Variants in COL19A1 observed in about 807,000 individuals in gnomAD.
The protein encoded by COL19A1 is collagen type XIX alpha 1 chain.
A neutral mutation model predicts 190.2 loss-of-function variants in COL19A1; 159 were observed. The ratio of observed to expected loss-of-function variants is 0.84; its 90% CI spans 0.73 to 0.95. COL19A1 has a LOEUF of 0.95. COL19A1 is among the 40% of genes least tolerant of loss of function. The pLI is 0.00. For missense variants in COL19A1, 1,418 were observed against 1,431.9 expected, an observed-to-expected ratio of 0.99 and a Z score of 0.16; for synonymous variants, 509 against 458.9, an observed-to-expected ratio of 1.11 and a Z score of -1.39.
intron 13 of COL19A1, 94 bp from the exon 14 acceptor site, chr6:70,035,810 A>C: frequency 1.5e-5 from 13 of 879,046 alleles, no homozygotes; most frequent in Non-Finnish European, 2.2e-5. Context: ...TTCAAGATTT[A>C]TCTCTATATA....
chr6:69,909,338 T>C (rs1401417942), intron 4 of COL19A1, among the ~76,000 whole-genome samples: 6 of 152,268 alleles, frequency 3.9e-5, no homozygotes, highest in Non-Finnish European at 5.9e-5. Context: ...GAGTGTGTGA[T>C]ATCTCTCCTC....
rs746887471 is a variant in COL19A1, at chr6:70,168,076, G to A, written c.2496+1G>A. On this transcript the variant is annotated splice_donor_variant, in intron 38 of 50. Coordinates refer to ENST00000620364, the MANE Select transcript of COL19A1 (RefSeq NM_001858.6). LOFTEE classifies it high-confidence loss of function. ...CATGAGCAGTTTATATAAAATTAAG[G>A]TATTTATATTTGTAATTATTTAAAA... The A allele has an allele frequency of 6.3e-7, 1 of 1,585,422 alleles. No homozygotes were observed. The highest frequency in any genetic ancestry group is 2.3e-5 in the East Asian group (1 of 44,074).
chr6:69,919,198 G>T (rs752770070), intron 4 of COL19A1, among the ~76,000 whole-genome samples: 4 of 152,076 alleles, frequency 2.6e-5, no homozygotes, highest in African/African-American at 7.2e-5. Flanking sequence ...TTGCTTCATA[G>T]CAGTCCCCAC....
chr6:70,064,389 G>A lies in COL19A1; in HGVS notation c.1171-4034G>A, dbSNP rs545416134. On this transcript the variant is annotated intron_variant, in intron 14 of 50. Coordinates refer to ENST00000620364, the MANE Select transcript of COL19A1 (RefSeq NM_001858.6). ...TGATTATCTCAACAGATGCAGAAAA[G>A]GCCTTTGACAAAATTCAACAGCCCT... Among the ~76,000 whole-genome samples the A allele has an allele frequency of 4.6e-5, 7 of 152,232 alleles. No individual in the cohort carries two copies. In the East Asian group the frequency reaches 1.2e-3, roughly 25 times the overall value.
At position 70,016,825 on chromosome 6, in the gene COL19A1, A is replaced by G. The variant is rs572083012; in HGVS notation, c.1027-6802A>G. ...AATTAAAGCCACAATGAAATACTAT[A>G]CATCCACTAAAATGGCTATAATCAA... On this transcript the variant is annotated intron_variant, in intron 11 of 50. Transcript: ENST00000620364. Among the ~76,000 whole-genome samples, 13 of 152,210 alleles carry G rather than the reference A, an allele frequency of 8.5e-5. No homozygotes were observed. The East Asian group carries it at 1.2e-3, about 14-fold the overall frequency.
At chr6:70,140,211 T>G (rs544078297) in intron 19 of COL19A1, among the ~76,000 whole-genome samples, 1 of 152,026 alleles carries the variant, frequency 6.6e-6, no homozygotes, top group Non-Finnish European at 1.5e-5. Context: ...GTCCCTAATA[T>G]AAAATGGCCT....
intron 16 of COL19A1, among the ~76,000 whole-genome samples, chr6:70,121,581 T>G (rs1440184263): frequency 6.6e-6 from 1 of 151,954 alleles, no homozygotes; most frequent in Non-Finnish European, 1.5e-5. Context: ...TCTGGGAGGG[T>G]CTTATGGGTA....
rs143251981 is a variant in COL19A1, at chr6:70,142,807, C to A, written c.1613C>A (p.Pro538Gln). ...GSAGSMGPRG[P>Q]PGDVGLPGEH... The stretch of plus-strand genomic sequence containing the variant: ...GCAGGCTCCATGGGACCCAGAGGAC[C>A]GCCAGGAGATGTTGTATGTATAATG... The change falls in exon 23 of 51, where the codon CCG becomes CAG. Residue 538 changes from proline (P) to glutamine (Q), a missense_variant. Physicochemically the swap from Pro to Gln is moderately conservative, Grantham distance 76. Transcript: ENST00000620364. The A allele has an allele frequency of 6.2e-7, 1 of 1,612,070 alleles. No individual in the cohort carries two copies. The highest frequency in any genetic ancestry group is 2.2e-5 in the East Asian group (1 of 44,788).
chr6:70,205,626 G>T (rs950407718), intron 49 of COL19A1, among the ~76,000 whole-genome samples: 1 of 152,174 alleles, frequency 6.6e-6, no homozygotes, highest in African/African-American at 2.4e-5. Context: ...AACTCTATTT[G>T]CCATCACTGT....
intron 16 of COL19A1, among the ~76,000 whole-genome samples, chr6:70,116,241 G>C (rs1043184252): frequency 5.9e-5 from 9 of 152,054 alleles, no homozygotes; most frequent in Non-Finnish European, 8.8e-5. Flanking sequence ...TTATAAATTT[G>C]GAAGAAGCAA....
intron 11 of COL19A1, among the ~76,000 whole-genome samples, chr6:69,976,011 C>A (rs1775694053): frequency 6.6e-6 from 1 of 152,162 alleles, no homozygotes; most frequent in Admixed American, 6.6e-5. Context: ...TATTGATAAT[C>A]ATCTTATTCT....
chr6:70,163,343 G>C lies in COL19A1; in HGVS notation c.2347G>C (p.Gly783Arg). The change falls in exon 36 of 51, where the codon GGC becomes CGC. Residue 783 changes from glycine (G) to arginine (R), a missense_variant and splice_region_variant. Coordinates refer to ENST00000620364, the MANE Select transcript of COL19A1 (RefSeq NM_001858.6). ...ACAAACTTAGTTTTGTGTTTTACAG[G>C]GCTTAATGGGAAGAACTGGACATCC... ...PGAPGPTGPPGLMGRTGHPGP... is the reference protein window; with the variant it reads ...PGAPGPTGPPRLMGRTGHPGP... 1 of 1,612,042 alleles carries C rather than the reference G, an allele frequency of 6.2e-7. No individual in the cohort carries two copies. Among genetic ancestry groups the C allele is most frequent in the Non-Finnish European group, 8.5e-7 (1 of 1,178,930 alleles).
intron 16 of COL19A1, among the ~76,000 whole-genome samples, chr6:70,113,923 T>G: frequency 7.1e-6 from 1 of 140,548 alleles, no homozygotes. Context: ...TGATCTCAGC[T>G]AACTGCAACC....
intron 48 of COL19A1, among the ~76,000 whole-genome samples, chr6:70,195,133 GATGATATAT>G (rs1187284433): frequency 2.4e-5 from 2 of 84,524 alleles, no homozygotes; most frequent in African/African-American, 1.2e-4. Flanking sequence ...ATACATCATT[GATGATATAT>G]ATATATATAT....
At chr6:70,113,047 G>A (rs1005856760) in intron 16 of COL19A1, among the ~76,000 whole-genome samples, 10 of 152,174 alleles carry the variant, frequency 6.6e-5, no homozygotes, top group Admixed American at 6.5e-4. Context: ...CACTGCCTCT[G>A]AACTTGTGAA....
chr6:69,915,745 C>T (rs1038821674), intron 4 of COL19A1, among the ~76,000 whole-genome samples: 8 of 152,100 alleles, frequency 5.3e-5, no homozygotes, highest in African/African-American at 1.9e-4. Context: ...CTTTTAGTTA[C>T]GTTACCATTC....
intron 11 of COL19A1, among the ~76,000 whole-genome samples, chr6:69,969,322 C>T (rs771383674): frequency 3.3e-5 from 5 of 152,074 alleles, no homozygotes; most frequent in African/African-American, 4.8e-5. Context: ...TGTGACAAAT[C>T]ACCCCAAAAC....
intron 25 of COL19A1, among the ~76,000 whole-genome samples, chr6:70,145,761 C>G (rs1399330417): frequency 7.2e-6 from 1 of 139,272 alleles, no homozygotes; most frequent in African/African-American, 2.8e-5. Context: ...TAATCTGTCA[C>G]CCAGGCTAGA....
At chr6:69,975,173 T>C (rs946649906) in intron 11 of COL19A1, among the ~76,000 whole-genome samples, 1 of 152,174 alleles carries the variant, frequency 6.6e-6, no homozygotes, top group Admixed American at 6.5e-5. Flanking sequence ...CATTTTCATG[T>C]AAGTATCTCA....
Sources: allele counts gnomAD v4.1 joint callset (sites outside exome capture counted in the v4.1 genomes callset), GRCh38; gene constraint gnomAD v4.1.1; transcripts MANE v1.5; gene names NCBI Gene and HGNC (gene_info 2026-07-23, HGNC 2026-07-21).